DRC11: variants seen among roughly 807,000 people sequenced by gnomAD.
The protein encoded by DRC11 is dynein regulatory complex subunit 11, also known as IQ and AAA domain-containing protein 1.
At chr2:236,499,167 T>C in the DRC11 span, among the ~76,000 whole-genome samples, 2 of 152,182 alleles carry the variant, frequency 1.3e-5, no homozygotes, top group African/African-American at 4.8e-5. This position sits in a 1 kb window ranked among gnomAD's most constrained non-coding sequence, Gnocchi z 4.7. Flanking sequence ...GTTGGCTGCA[T>C]GTGCCATTTT....
the DRC11 span, among the ~76,000 whole-genome samples, chr2:236,357,797 CTATAT>C: frequency 1.7e-5 from 2 of 115,246 alleles, no homozygotes; most frequent in Non-Finnish European, 3.4e-5. Flanking sequence ...TATACATATA[CTATAT>C]AAATATAGAA....
the DRC11 span, chr2:236,346,580 C>T: frequency 5.9e-6 from 1 of 168,092 alleles, no homozygotes; most frequent in Admixed American, 6.5e-5. Flanking sequence ...CCTAGGACCT[C>T]TGCTTCGGAG....
the DRC11 span, among the ~76,000 whole-genome samples, chr2:236,372,455 T>C: frequency 6.6e-6 from 1 of 152,226 alleles, no homozygotes; most frequent in African/African-American, 2.4e-5. The surrounding 1 kb of genome is among the most constrained non-coding windows in gnomAD (Gnocchi z 4.5). Context: ...ACAGTTTTTG[T>C]ATTTTATTTT....
the DRC11 span, among the ~76,000 whole-genome samples, chr2:236,450,374 C>G: frequency 6.7e-3 from 863 of 128,510 alleles, 13 homozygotes; most frequent in African/African-American, 0.024. Flanking sequence ...GGCTGGAGTG[C>G]AGTGGCGCAA....
the DRC11 span, among the ~76,000 whole-genome samples, chr2:236,405,903 C>G: frequency 6.6e-6 from 1 of 152,268 alleles, no homozygotes; most frequent in East Asian, 1.9e-4. The surrounding 1 kb of genome is among the most constrained non-coding windows in gnomAD (Gnocchi z 4.6). Flanking sequence ...AAGAATGGTG[C>G]ACAATTCAAA....
chr2:236,479,949 G>T, the DRC11 span, among the ~76,000 whole-genome samples: 7 of 151,066 alleles, frequency 4.6e-5, no homozygotes, highest in Non-Finnish European at 7.4e-5. This position sits in a 1 kb window ranked among gnomAD's most constrained non-coding sequence, Gnocchi z 4.1. Flanking sequence ...AATTTTGTTT[G>T]TCTGGGAAAC....
chr2:236,376,157 G>A, the DRC11 span, among the ~76,000 whole-genome samples: 1 of 152,176 alleles, frequency 6.6e-6, no homozygotes, highest in Non-Finnish European at 1.5e-5. The surrounding 1 kb of genome is among the most constrained non-coding windows in gnomAD (Gnocchi z 5.7). Flanking sequence ...TCATTTTCCT[G>A]TCAAAATGTT....
the DRC11 span, among the ~76,000 whole-genome samples, chr2:236,420,554 G>C: frequency 6.6e-6 from 1 of 152,120 alleles, no homozygotes; most frequent in African/African-American, 2.4e-5. This position sits in a 1 kb window ranked among gnomAD's most constrained non-coding sequence, Gnocchi z 4.8. Flanking sequence ...GGAGAAAGGC[G>C]AGAGGTGAAG....
At chr2:236,371,675 G>A in the DRC11 span, among the ~76,000 whole-genome samples, 11 of 152,140 alleles carry the variant, frequency 7.2e-5, no homozygotes, top group African/African-American at 1.9e-4. This position sits in a 1 kb window ranked among gnomAD's most constrained non-coding sequence, Gnocchi z 5.1. Flanking sequence ...GGTGTCTCAC[G>A]TCATTTTTGA....
At chr2:236,473,167 T>C in the DRC11 span, among the ~76,000 whole-genome samples, 1 of 152,252 alleles carries the variant, frequency 6.6e-6, no homozygotes, top group Non-Finnish European at 1.5e-5. The surrounding 1 kb of genome is among the most constrained non-coding windows in gnomAD (Gnocchi z 4.8). Flanking sequence ...CATAGTTTCA[T>C]TTCATTTTGA....
At chr2:236,422,052 T>G in the DRC11 span, among the ~76,000 whole-genome samples, 2 of 152,214 alleles carry the variant, frequency 1.3e-5, no homozygotes, top group African/African-American at 2.4e-5. Flanking sequence ...CGATGGGACG[T>G]ATTTCAAAAT....
At chr2:236,356,911 A>G in the DRC11 span, among the ~76,000 whole-genome samples, 1 of 82,864 alleles carries the variant, frequency 1.2e-5, no homozygotes, top group Non-Finnish European at 2.3e-5. Context: ...ATATTTATAT[A>G]TTATATATAT....
chr2:236,365,407 T>C, the DRC11 span, among the ~76,000 whole-genome samples: 15 of 149,640 alleles, frequency 1.0e-4, no homozygotes. The surrounding 1 kb of genome is among the most constrained non-coding windows in gnomAD (Gnocchi z 7.4). Flanking sequence ...GTGAGGGGGG[T>C]GTGTGGGCAG....
the DRC11 span, chr2:236,332,329 G>A: frequency 6.6e-6 from 1 of 152,242 alleles, no homozygotes; most frequent in African/African-American, 2.4e-5. The surrounding 1 kb of genome is among the most constrained non-coding windows in gnomAD (Gnocchi z 5.1). Context: ...TTTAGAGATG[G>A]AATGAACTCC....
At chr2:236,414,839 A>G in the DRC11 span, among the ~76,000 whole-genome samples, 2 of 152,164 alleles carry the variant, frequency 1.3e-5, no homozygotes. Flanking sequence ...TAATCACAAG[A>G]TATTTTATTC....
At chr2:236,343,778 G>C in the DRC11 span, 3 of 1,299,066 alleles carry the variant, frequency 2.3e-6, no homozygotes, top group African/African-American at 3.0e-5. This position sits in a 1 kb window ranked among gnomAD's most constrained non-coding sequence, Gnocchi z 6.6. Context: ...AAGAGTCCCA[G>C]ATTAAATAAT....
chr2:236,314,366 C>T, the DRC11 span, among the ~76,000 whole-genome samples: 23,899 of 152,080 alleles, frequency 0.16, 4,659 homozygotes, highest in African/African-American at 0.44. The surrounding 1 kb of genome is among the most constrained non-coding windows in gnomAD (Gnocchi z 4.5). Flanking sequence ...AACTTTGTAC[C>T]TAATGATAAA....
At chr2:236,399,561 C>T in the DRC11 span, 10 of 1,260,932 alleles carry the variant, frequency 7.9e-6, no homozygotes, top group African/African-American at 5.9e-5. This position sits in a 1 kb window ranked among gnomAD's most constrained non-coding sequence, Gnocchi z 7.0. Flanking sequence ...CTGTGATAAC[C>T]GTGACGAGGG....
the DRC11 span, among the ~76,000 whole-genome samples, chr2:236,453,504 G>C: frequency 1.3e-5 from 2 of 152,180 alleles, no homozygotes; most frequent in African/African-American, 4.8e-5. The surrounding 1 kb of genome is among the most constrained non-coding windows in gnomAD (Gnocchi z 4.9). Context: ...CCAAAGAACA[G>C]CTCTGTCCTC....
Sources: gnomAD v4.1 joint callset for allele counts (sites outside exome capture counted in the v4.1 genomes callset) on GRCh38, gnomAD v4.1.1 for gene constraint, Gnocchi (gnomAD v3.1) non-coding constraint, MANE v1.5 for transcripts, NCBI Gene and HGNC (gene_info 2026-07-23, HGNC 2026-07-21) for gene names.